Variants in MAP2 observed in about 807,000 individuals in gnomAD.
MAP2 encodes the protein microtubule associated protein 2, also known as microtubule-associated protein 2.
MAP2 carries 14 observed loss-of-function variants against 137.6 expected under a neutral mutation model. The ratio of observed to expected loss-of-function variants is 0.10; its 90% CI spans 0.07 to 0.16. The LOEUF is 0.16. MAP2 is among the 10% of genes least tolerant of loss of function. The pLI, the probability that MAP2 is intolerant of heterozygous loss-of-function variation, is 1.00. For missense variants in MAP2, 2,088 were observed against 2,191.5 expected, an observed-to-expected ratio of 0.95 and a Z score of 0.94; for synonymous variants, 786 against 782.3, an observed-to-expected ratio of 1.00 and a Z score of -0.08.
chr2:209,424,836 G>T (rs1330265034), intron 1 of MAP2, among the ~76,000 whole-genome samples: 1 of 152,182 alleles, frequency 6.6e-6, no homozygotes, highest in Non-Finnish European at 1.5e-5. Context: ...ATAAATGCCT[G>T]GTGGTGTTGG....
intron 5 of MAP2, among the ~76,000 whole-genome samples, chr2:209,663,273 C>A (rs573157849): frequency 6.6e-6 from 1 of 152,250 alleles, no homozygotes; most frequent in Admixed American, 6.5e-5. Context: ...TCAGGGGAGT[C>A]TGGAAATCAT....
intron 2 of MAP2, among the ~76,000 whole-genome samples, chr2:209,577,334 T>C (rs957922233): frequency 6.6e-6 from 1 of 152,138 alleles, no homozygotes; most frequent in African/African-American, 2.4e-5. Flanking sequence ...TTATTCATTT[T>C]ATAGCTACAT....
chr2:209,582,935 A>C (rs2076822980), intron 3 of MAP2, among the ~76,000 whole-genome samples: 1 of 152,098 alleles, frequency 6.6e-6, no homozygotes, highest in African/African-American at 2.4e-5. Flanking sequence ...ATGAATTGAG[A>C]CTACAGTTGG....
chr2:209,572,565 G>C (rs527932131), intron 2 of MAP2, among the ~76,000 whole-genome samples: 2 of 152,154 alleles, frequency 1.3e-5, no homozygotes, highest in South Asian at 4.1e-4. Context: ...AGAATACCTA[G>C]TAAACTTAAA....
intron 2 of MAP2, among the ~76,000 whole-genome samples, chr2:209,525,065 T>A (rs922941119): frequency 2.0e-5 from 3 of 152,168 alleles, no homozygotes; most frequent in African/African-American, 7.2e-5. Flanking sequence ...GTATTATTTT[T>A]AATATACGTT....
intron 1 of MAP2, among the ~76,000 whole-genome samples, chr2:209,451,769 T>C (rs1575149287): frequency 1.3e-5 from 2 of 152,206 alleles, no homozygotes; most frequent in African/African-American, 2.4e-5. Flanking sequence ...AATAGCTCTG[T>C]CTGCAACATT....
intron 7 of MAP2, among the ~76,000 whole-genome samples, chr2:209,688,356 AC>A (rs2057780382): frequency 6.6e-6 from 1 of 152,166 alleles, no homozygotes. Flanking sequence ...CTCCTTAGAC[AC>A]ATAATATTAC....
In MAP2 at chr2:209,643,541, G is replaced by A. The variant is rs530291719; in HGVS notation, c.-29-9601G>A. ...CATCCACCTCCAAAATGATCTAATG[G>A]TAAAGAAAATTGTAACTCAATTTGA... On this transcript the variant is annotated intron_variant, in intron 4 of 15. Coordinates refer to ENST00000682079, the MANE Select transcript of MAP2 (RefSeq NM_001375505.1). Among the ~76,000 whole-genome samples the A allele has an allele frequency of 5.3e-5, 8 of 152,224 alleles. No homozygotes were observed. The East Asian group carries it at 1.5e-3, about 29-fold the overall frequency.
At chr2:209,578,836 C>A (rs2075767968) in intron 2 of MAP2, among the ~76,000 whole-genome samples, 1 of 151,880 alleles carries the variant, frequency 6.6e-6, no homozygotes, top group South Asian at 2.1e-4. Context: ...CTGAAAAGCC[C>A]CAGGACCAAG....
At chr2:209,445,386 T>G (rs1159984778) in intron 1 of MAP2, among the ~76,000 whole-genome samples, 2 of 151,698 alleles carry the variant, frequency 1.3e-5, no homozygotes, top group African/African-American at 4.8e-5. Context: ...TTATAATTAT[T>G]ATGCAGAATA....
At chr2:209,449,780 T>G (rs950792466) in intron 1 of MAP2, among the ~76,000 whole-genome samples, 1 of 152,180 alleles carries the variant, frequency 6.6e-6, no homozygotes, top group Non-Finnish European at 1.5e-5. Flanking sequence ...GAATAGGCTT[T>G]CATTGTGTAT....
At chr2:209,569,217 C>A (rs879497038) in intron 2 of MAP2, among the ~76,000 whole-genome samples, 7 of 151,802 alleles carry the variant, frequency 4.6e-5, no homozygotes, top group Non-Finnish European at 8.9e-5. Flanking sequence ...GAAACACTTA[C>A]ACTACATGTT....
In MAP2 at chr2:209,546,982, TAGA is replaced by T. The variant is rs574177400; in HGVS notation, c.-171-33049_-171-33047del. Among the ~76,000 whole-genome samples, 14 of 152,244 alleles carry T rather than the reference TAGA, an allele frequency of 9.2e-5. No individual in the cohort carries two copies. The East Asian group carries it at 2.7e-3, about 29-fold the overall frequency. ...TCATACTTTCCAATGAGCCAATAAA[TAGA>T]AGAAATTTTTAAAAATTAATTTGAT... On this transcript the variant is annotated intron_variant, in intron 2 of 15. Transcript: ENST00000682079.
At chr2:209,712,774 A>G (rs773893443) in intron 13 of MAP2, among the ~76,000 whole-genome samples, 12 of 152,156 alleles carry the variant, frequency 7.9e-5, no homozygotes, top group Non-Finnish European at 1.5e-4. Context: ...TGAAGATCTT[A>G]TAGAACGACT....
intron 3 of MAP2, among the ~76,000 whole-genome samples, chr2:209,598,154 C>G (rs943342367): frequency 6.6e-6 from 1 of 152,006 alleles, no homozygotes; most frequent in African/African-American, 2.4e-5. Flanking sequence ...TGTAGGCACC[C>G]ACCACCATGC....
chr2:209,571,445 C>T (rs1172493243), intron 2 of MAP2, among the ~76,000 whole-genome samples: 1 of 151,828 alleles, frequency 6.6e-6, no homozygotes. Context: ...TATATTATTC[C>T]ATATATTTAG....
In MAP2 at chr2:209,575,518, CAA is replaced by C. The variant is rs71043942; in HGVS notation, c.-171-4493_-171-4492del. Among the ~76,000 whole-genome samples the C allele has an allele frequency of 8.4e-3, 237 of 28,332 alleles. 1 individual carries two copies. Among genetic ancestry groups the C allele is most frequent in the African/African-American group, 0.019 (219 of 11,714 alleles). 18.6% of individuals were successfully genotyped at this position (28,332 alleles called of 152,430 possible). A position where few individuals can be genotyped will look rare whatever the true frequency, so the allele number is the denominator to read the frequency against. On this transcript the variant is annotated intron_variant, in intron 2 of 15. Coordinates refer to ENST00000682079, the MANE Select transcript of MAP2 (RefSeq NM_001375505.1). ...CCTGGGCAACAGTGAGACTCCATCTCAAAAAAAAAAAAAAAAAAAAAAAAAAT... is the reference window on the plus strand; with the variant it reads ...CCTGGGCAACAGTGAGACTCCATCTCAAAAAAAAAAAAAAAAAAAAAAAAT...
chr2:209,637,658 T>A (rs1032761853), intron 4 of MAP2, among the ~76,000 whole-genome samples: 2 of 152,088 alleles, frequency 1.3e-5, no homozygotes, highest in African/African-American at 4.8e-5. Flanking sequence ...CACTGGTCCC[T>A]TTTTCTCCTC....
At chr2:209,433,046 A>G (rs2149303024) in intron 1 of MAP2, among the ~76,000 whole-genome samples, 1 of 152,228 alleles carries the variant, frequency 6.6e-6, no homozygotes, top group South Asian at 2.1e-4. Flanking sequence ...TGGTTCATTC[A>G]CTTATTTATT....
Sources: allele counts gnomAD v4.1 joint callset (sites outside exome capture counted in the v4.1 genomes callset), GRCh38; gene constraint gnomAD v4.1.1; transcripts MANE v1.5; gene names NCBI Gene and HGNC (gene_info 2026-07-23, HGNC 2026-07-21).